The following MECOM variants were observed in gnomAD, a reference collection of about 807,000 sequenced individuals.
The protein encoded by MECOM is histone-lysine N-methyltransferase MECOM.
A neutral mutation model predicts 116.3 loss-of-function variants in MECOM; 13 were observed. The ratio of observed to expected loss-of-function variants is 0.11; its 90% CI spans 0.07 to 0.18. MECOM has a LOEUF of 0.18. MECOM is among the 10% of genes least tolerant of loss of function. The pLI is 1.00. For synonymous variants in MECOM, 528 were observed against 535.2 expected, an observed-to-expected ratio of 0.99 and a Z score of 0.19; for missense variants, 1,299 against 1,509.0, an observed-to-expected ratio of 0.86 and a Z score of 2.31.
At chr3:169,251,764 T>A (rs1270911791) in intron 2 of MECOM, among the ~76,000 whole-genome samples, 1 of 152,184 alleles carries the variant, frequency 6.6e-6, no homozygotes, top group Non-Finnish European at 1.5e-5. Context: ...ATCACACTAC[T>A]GCTTGCAAAG....
chr3:169,432,775 T>A (rs1434556369), intron 1 of MECOM, among the ~76,000 whole-genome samples: 1 of 152,202 alleles, frequency 6.6e-6, no homozygotes, highest in Non-Finnish European at 1.5e-5. Context: ...AGCACCTTTT[T>A]AAAGAAACAC....
At chr3:169,144,443 T>C (rs973252741) in intron 2 of MECOM, among the ~76,000 whole-genome samples, 1 of 152,160 alleles carries the variant, frequency 6.6e-6, no homozygotes, top group Admixed American at 6.5e-5. Context: ...AGTTAACACA[T>C]GTCAACGCAT....
intron 1 of MECOM, among the ~76,000 whole-genome samples, chr3:169,528,470 TC>T (rs1206530733): frequency 6.6e-6 from 1 of 152,224 alleles, no homozygotes; most frequent in Non-Finnish European, 1.5e-5. Context: ...AATAAATAAC[TC>T]ACATTTGAAT....
intron 1 of MECOM, among the ~76,000 whole-genome samples, chr3:169,600,103 C>T (rs1213802760): frequency 2.0e-5 from 3 of 151,992 alleles, no homozygotes; most frequent in Non-Finnish European, 4.4e-5. Flanking sequence ...ACCCGAGTAG[C>T]TGGGATTAGC....
At chr3:169,300,258 A>G (rs934352033) in intron 2 of MECOM, among the ~76,000 whole-genome samples, 14 of 152,232 alleles carry the variant, frequency 9.2e-5, no homozygotes, top group African/African-American at 2.9e-4. Flanking sequence ...GCAAGCCACT[A>G]AAGATTGAAT....
chr3:169,404,798 C>T (rs1430293685), intron 1 of MECOM, among the ~76,000 whole-genome samples: 1 of 152,198 alleles, frequency 6.6e-6, no homozygotes, highest in African/African-American at 2.4e-5. Context: ...CCACCAAAAC[C>T]GTGTGAATTT....
intron 1 of MECOM, among the ~76,000 whole-genome samples, chr3:169,507,772 C>T (rs1010382884): frequency 2.0e-5 from 3 of 148,718 alleles, no homozygotes; most frequent in Non-Finnish European, 4.4e-5. Context: ...CGCCATTCTC[C>T]TGCCTCAGCC....
At chr3:169,146,223 C>A in intron 2 of MECOM, 1 of 1,122,018 alleles carries the variant, frequency 8.9e-7, no homozygotes. Context: ...AAAAAATCCC[C>A]ACAATCTAGC....
At chr3:169,325,776 T>C (rs1013435072) in intron 2 of MECOM, among the ~76,000 whole-genome samples, 2 of 152,190 alleles carry the variant, frequency 1.3e-5, no homozygotes, top group Admixed American at 6.5e-5. Flanking sequence ...TATGATTGGG[T>C]CGGGGGTGAT....
chr3:169,218,552 A>C (rs1373551113), intron 2 of MECOM, among the ~76,000 whole-genome samples: 2 of 152,300 alleles, frequency 1.3e-5, no homozygotes, highest in African/African-American at 4.8e-5. Context: ...CTATGCATCC[A>C]GGGTGAGGCA....
At chr3:169,565,902 T>TCACAC (rs1036804295) in intron 1 of MECOM, 1 of 433,966 alleles carries the variant, frequency 2.3e-6, no homozygotes, top group Non-Finnish European at 4.6e-6. Flanking sequence ...CAGTTAGTTT[T>TCACAC]CACACTCCTT....
chr3:169,586,731 T>A (rs1197866499), intron 1 of MECOM, among the ~76,000 whole-genome samples: 1 of 152,214 alleles, frequency 6.6e-6, no homozygotes, highest in Non-Finnish European at 1.5e-5. Flanking sequence ...TGTTTGTTTG[T>A]TTTAATAGAT....
At chr3:169,631,163 C>T (rs186810100) in intron 1 of MECOM, among the ~76,000 whole-genome samples, 47 of 152,364 alleles carry the variant, frequency 3.1e-4, no homozygotes, top group Non-Finnish European at 3.5e-4. Flanking sequence ...AAATTGCTTT[C>T]ATATGTATCT....
intron 1 of MECOM, among the ~76,000 whole-genome samples, chr3:169,433,679 A>AAGAAAGAAAGAAAGAAAGAAAG (rs1284612760): frequency 1.1e-4 from 16 of 146,864 alleles, no homozygotes; most frequent in African/African-American, 3.7e-4. Context: ...GAAAGAAAGA[A>AAGAAAGAAAGAAAGAAAGAAAG]AGAAAGAAAG....
chr3:169,115,592 C>T lies in MECOM; in HGVS notation c.2280G>A (p.Lys760=). The T allele has an allele frequency of 6.2e-7, 1 of 1,614,060 alleles. No individual in the cohort carries two copies. The highest frequency in any genetic ancestry group is 8.5e-7 in the Non-Finnish European group (1 of 1,179,998). Residue 760 remains lysine, a synonymous_variant, in exon 8 of 17, where the codon AAG becomes AAA. Transcript: ENST00000651503. The part of the protein sequence containing the change: ...DEKPLTPVPS[K]PPVTPATSQD... ...GGCTTGTGGCAGGTGTCACTGGAGGCTTGGAGGGGACTGGAGTCAAGGGCT... is the reference window on the plus strand; with the variant it reads ...GGCTTGTGGCAGGTGTCACTGGAGGTTTGGAGGGGACTGGAGTCAAGGGCT...
chr3:169,199,028 T>G (rs1216095609), intron 2 of MECOM, among the ~76,000 whole-genome samples: 1 of 152,056 alleles, frequency 6.6e-6, no homozygotes, highest in African/African-American at 2.4e-5. Flanking sequence ...TTACTGAACA[T>G]TTATTGACAG....
chr3:169,412,093 C>A (rs1425931432), intron 1 of MECOM, among the ~76,000 whole-genome samples: 1 of 151,952 alleles, frequency 6.6e-6, no homozygotes, highest in East Asian at 1.9e-4. Flanking sequence ...CAAGACCAGC[C>A]TGACCAACAT....
At chr3:169,496,356 T>C (rs1036948530) in intron 1 of MECOM, among the ~76,000 whole-genome samples, 2 of 152,262 alleles carry the variant, frequency 1.3e-5, no homozygotes, top group African/African-American at 4.8e-5. Context: ...CTAAGAGCTT[T>C]TGTTTTAAAA....
intron 2 of MECOM, among the ~76,000 whole-genome samples, chr3:169,341,576 C>T (rs939039216): frequency 6.6e-6 from 1 of 151,644 alleles, no homozygotes; most frequent in Non-Finnish European, 1.5e-5. Flanking sequence ...TCCATCTCTA[C>T]TAAAAATACA....
Sources: gnomAD v4.1 joint callset for allele counts (sites outside exome capture counted in the v4.1 genomes callset) on GRCh38, gnomAD v4.1.1 for gene constraint, MANE v1.5 for transcripts, NCBI Gene and HGNC (gene_info 2026-07-23, HGNC 2026-07-21) for gene names.